The following MYCT1 variants were observed in gnomAD, a reference collection of about 807,000 sequenced individuals.
MYCT1 encodes MYC target 1.
MYCT1 carries 12 observed loss-of-function variants against 15.0 expected under a neutral mutation model. That is an observed-to-expected ratio of 0.80 (90% confidence interval 0.51 to 1.29). The LOEUF is 1.29. MYCT1 is among the 50% of genes most tolerant of loss of function. The pLI is 0.00. For synonymous variants in MYCT1, 104 were observed against 102.7 expected, an observed-to-expected ratio of 1.01 and a Z score of -0.07; for missense variants, 287 against 279.1, an observed-to-expected ratio of 1.03 and a Z score of -0.20.
intron 1 of MYCT1, 53 bp downstream of exon 1, chr6:152,698,151 C>A: frequency 9.5e-7 from 1 of 1,053,070 alleles, no homozygotes; most frequent in African/African-American, 1.6e-5. Flanking sequence ...GTAAGAAATG[C>A]ACTGCGTGAT....
intron 1 of MYCT1, among the ~76,000 whole-genome samples, chr6:152,707,403 T>C (rs2099722474): frequency 6.6e-6 from 1 of 152,126 alleles, no homozygotes; most frequent in Admixed American, 6.6e-5. Flanking sequence ...CTTTAGATGT[T>C]AACTTCTCAT....
chr6:152,716,009 T>A (rs1591936), intron 1 of MYCT1, among the ~76,000 whole-genome samples: 109,215 of 152,086 alleles, frequency 0.72, 39,725 homozygotes, highest in East Asian at 0.98. Context: ...TTACATTTTA[T>A]AATGTTCTCT....
Position 152,701,158 on chromosome 6 carries a change from TAAG to T in MYCT1, c.196+3064_196+3066del, listed in dbSNP as rs766026399. On this transcript the variant is annotated intron_variant, in intron 1 of 1. Coordinates refer to ENST00000367245, the MANE Select transcript of MYCT1 (RefSeq NM_025107.3). ...TAAATTTCAGACAGGGAGATAATTC[TAAG>T]AAGGACATTCTAGTCATTCATTTTT... Among the ~76,000 whole-genome samples, 37 of 152,324 alleles carry T rather than the reference TAAG, an allele frequency of 2.4e-4. 1 individual carries two copies. Among genetic ancestry groups the T allele is most frequent in the Admixed American group, 8.5e-4 (13 of 15,308 alleles).
chr6:152,739,800 T>C, the MYCT1 span, among the ~76,000 whole-genome samples: 1 of 152,126 alleles, frequency 6.6e-6, no homozygotes, highest in Non-Finnish European at 1.5e-5. Flanking sequence ...AAACTTGATA[T>C]TCAATTCTAT....
At position 152,718,702 on chromosome 6, in the gene MYCT1, G is replaced by A. The variant is rs115963300; in HGVS notation, c.197-3040G>A. 5.7e-3 allele frequency among the ~76,000 whole-genome samples: 867 copies of A among 152,134 alleles called. 5 individuals carry two copies. Among genetic ancestry groups the A allele is most frequent in the African/African-American group, 0.018 (754 of 41,506 alleles). ...TCAGAAGATGAGAGGCTCAAAGGGCGTACACAGAGACCATGTACAAGGACT... is the reference window on the plus strand; with the variant it reads ...TCAGAAGATGAGAGGCTCAAAGGGCATACACAGAGACCATGTACAAGGACT... On this transcript the variant is annotated intron_variant, in intron 1 of 1. Coordinates refer to ENST00000367245, the MANE Select transcript of MYCT1 (RefSeq NM_025107.3).
At chr6:152,736,088 G>A in the MYCT1 span, among the ~76,000 whole-genome samples, 351 of 152,082 alleles carry the variant, frequency 2.3e-3, 2 homozygotes, top group African/African-American at 7.9e-3. Context: ...GTCTTACATC[G>A]TTAAAACCAA....
the MYCT1 span, among the ~76,000 whole-genome samples, chr6:152,743,813 A>T: frequency 1.3e-5 from 2 of 152,226 alleles, no homozygotes; most frequent in African/African-American, 4.8e-5. Flanking sequence ...GCTGAAAATG[A>T]TGGTTTTATG....
intron 1 of MYCT1, among the ~76,000 whole-genome samples, chr6:152,699,796 A>G (rs1245965810): frequency 6.6e-6 from 1 of 152,176 alleles, no homozygotes; most frequent in Admixed American, 6.5e-5. Context: ...TAAACTTGAT[A>G]TTAATAAGAG....
intron 1 of MYCT1, among the ~76,000 whole-genome samples, chr6:152,714,223 G>T: frequency 6.8e-6 from 1 of 148,078 alleles, no homozygotes; most frequent in Non-Finnish European, 1.5e-5. Context: ...TTCCATCCTT[G>T]TCGTTCCAAT....
At chr6:152,740,051 ATTG>A in the MYCT1 span, among the ~76,000 whole-genome samples, 1 of 151,904 alleles carries the variant, frequency 6.6e-6, no homozygotes, top group African/African-American at 2.4e-5. Context: ...TATTATTATT[ATTG>A]TTATTATTTG....
Position 152,697,989 on chromosome 6 carries a change from C to G in MYCT1, c.87C>G (p.Phe29Leu), listed in dbSNP as rs568217820. 2.5e-6 allele frequency: 4 copies of G among 1,607,202 alleles called. No homozygotes were observed. Among genetic ancestry groups the G allele is most frequent in the Non-Finnish European group, 3.4e-6 (4 of 1,177,164 alleles). The change falls in exon 1 of 2, where the codon TTC becomes TTG. Residue 29 changes from phenylalanine to leucine, a missense_variant. Transcript: ENST00000367245. ...LQRDRIKLLFFDILVFLSVFL... is the reference protein window; with the variant it reads ...LQRDRIKLLFLDILVFLSVFL... Reference sequence around the variant, plus strand: ...GAGATAGAATCAAACTGCTTTTTTTCGACATACTGGTTTTTCTTTCTGTTT... The same window carrying G: ...GAGATAGAATCAAACTGCTTTTTTTGGACATACTGGTTTTTCTTTCTGTTT...
At chr6:152,734,039 A>C in the MYCT1 span, among the ~76,000 whole-genome samples, 1 of 152,032 alleles carries the variant, frequency 6.6e-6, no homozygotes, top group Non-Finnish European at 1.5e-5. Flanking sequence ...GGTCTTAAAA[A>C]TTAAAAACAG....
chr6:152,705,517 T>C (rs1427327809), intron 1 of MYCT1, among the ~76,000 whole-genome samples: 1 of 151,994 alleles, frequency 6.6e-6, no homozygotes, highest in Admixed American at 6.6e-5. Flanking sequence ...TCCAGGTTCA[T>C]CTAGGTTGCT....
At chr6:152,733,493 T>A in the MYCT1 span, among the ~76,000 whole-genome samples, 509 of 152,348 alleles carry the variant, frequency 3.3e-3, 5 homozygotes, top group African/African-American at 0.012. Context: ...AAACAGTTGC[T>A]GCTGACTGTT....
intron 1 of MYCT1, among the ~76,000 whole-genome samples, chr6:152,719,289 TATTGA>T (rs1344070167): frequency 6.6e-6 from 1 of 152,224 alleles, no homozygotes. Context: ...GATACTCTGG[TATTGA>T]ATCGACCAAT....
chr6:152,742,833 G>A, the MYCT1 span, among the ~76,000 whole-genome samples: 1 of 152,174 alleles, frequency 6.6e-6, no homozygotes, highest in Non-Finnish European at 1.5e-5. Context: ...AAGTATGATT[G>A]TCAGAGGCAG....
At chr6:152,736,919 C>T in the MYCT1 span, among the ~76,000 whole-genome samples, 1 of 152,042 alleles carries the variant, frequency 6.6e-6, no homozygotes, top group African/African-American at 2.4e-5. Context: ...TGGAAGTAAG[C>T]ACAGGGTATA....
intron 1 of MYCT1, among the ~76,000 whole-genome samples, chr6:152,712,657 T>A (rs2099722956): frequency 6.6e-6 from 1 of 151,778 alleles, no homozygotes. Context: ...CTCCTCCCCC[T>A]GAAAGAGTAT....
chr6:152,734,666 A>T, the MYCT1 span, among the ~76,000 whole-genome samples: 43 of 147,030 alleles, frequency 2.9e-4, no homozygotes, highest in African/African-American at 1.0e-3. Flanking sequence ...ATGCTTTGAC[A>T]TTTTTTTTTT....
Sources: gnomAD v4.1 joint callset for allele counts (sites outside exome capture counted in the v4.1 genomes callset) on GRCh38, gnomAD v4.1.1 for gene constraint, MANE v1.5 for transcripts, NCBI Gene and HGNC (gene_info 2026-07-23, HGNC 2026-07-21) for gene names.